PDCD11: variants seen among roughly 807,000 people sequenced by gnomAD.
PDCD11 encodes the protein programmed cell death 11, also known as protein RRP5 homolog.
Under a neutral mutation model 198.9 loss-of-function variants are expected in PDCD11, and 97 were observed. That is an observed-to-expected ratio of 0.49 (90% CI 0.41 to 0.58). The LOEUF is 0.58. Ranked by LOEUF, PDCD11 falls within the 20% of genes least tolerant of loss-of-function variation. The probability of loss-of-function intolerance (pLI) is 0.00; values close to 1 mark genes in which losing one functional copy is unlikely to be tolerated. For missense variants in PDCD11, 2,102 were observed against 2,312.7 expected, an observed-to-expected ratio of 0.91 and a Z score of 1.87; for synonymous variants, 893 against 918.0, an observed-to-expected ratio of 0.97 and a Z score of 0.49.
intron 17 of PDCD11, among the ~76,000 whole-genome samples, chr10:103,422,710 A>G (rs1461787828): frequency 6.6e-6 from 1 of 152,152 alleles, no homozygotes; most frequent in African/African-American, 2.4e-5. Flanking sequence ...GAGAGGGGAC[A>G]GTGAAAATTC....
rs773492000 is a variant in PDCD11 at position 103,417,831 on chromosome 10, G to C, written c.1810G>C (p.Glu604Gln). 2 of 1,614,188 alleles carry C rather than the reference G, an allele frequency of 1.2e-6. No homozygotes were observed. Among genetic ancestry groups the C allele is most frequent in the Non-Finnish European group, 1.7e-6 (2 of 1,180,024 alleles). Reference sequence around the variant, plus strand: ...CGTATTGAACTGTGAGCCATCCAAAGAGAGGATGCTCTTATCCTTCAAGCT... The same window carrying C: ...CGTATTGAACTGTGAGCCATCCAAACAGAGGATGCTCTTATCCTTCAAGCT... ...VVVLNCEPSK[E>Q]RMLLSFKLSS... Residue 604 changes from glutamate to glutamine, a missense_variant, in exon 14 of 36, where the codon GAG becomes CAG. By Grantham distance (29) the Glu-to-Gln change is conservative. Transcript: ENST00000369797.
chr10:103,407,787 C>T (rs993945963), intron 7 of PDCD11, among the ~76,000 whole-genome samples: 5 of 151,594 alleles, frequency 3.3e-5, no homozygotes, highest in Non-Finnish European at 7.4e-5. Flanking sequence ...GGCGTGATCT[C>T]GGGTCACTGC....
intron 23 of PDCD11, 94 bp downstream of exon 23, chr10:103,434,131 T>C: frequency 8.0e-7 from 1 of 1,249,342 alleles, no homozygotes; most frequent in Non-Finnish European, 1.2e-6. Context: ...TTGAGGAAGC[T>C]TGTTCTTTAT....
chr10:103,406,497 A>G (rs2030456882), intron 6 of PDCD11, 112 bp from the exon 7 acceptor site: 9 of 880,258 alleles, frequency 1.0e-5, no homozygotes, highest in South Asian at 1.9e-5. Context: ...GGAGTAACTG[A>G]TGCTAACTGG....
At chr10:103,433,280 A>G (rs534802427) in intron 22 of PDCD11, among the ~76,000 whole-genome samples, 1 of 152,282 alleles carries the variant, frequency 6.6e-6, no homozygotes, top group Non-Finnish European at 1.5e-5. Context: ...AGATCACTTC[A>G]GGTCAGGAGT....
intron 27 of PDCD11, 60 bp from the exon 28 acceptor site, chr10:103,439,686 C>A (rs1463428290): frequency 6.2e-6 from 10 of 1,605,682 alleles, no homozygotes; most frequent in Non-Finnish European, 7.7e-6. Context: ...AGTCCCGAGG[C>A]CTGGTTGGAA....
intron 4 of PDCD11, among the ~76,000 whole-genome samples, chr10:103,404,782 T>C (rs2030344734): frequency 6.6e-6 from 1 of 152,212 alleles, no homozygotes; most frequent in Admixed American, 6.5e-5. Flanking sequence ...TGTAGACAAC[T>C]CTTTTGACAA....
intron 14 of PDCD11, 116 bp from the exon 15 acceptor site, chr10:103,418,324 T>A (rs2031231613): frequency 3.7e-6 from 3 of 809,634 alleles, no homozygotes; most frequent in South Asian, 3.4e-5. Context: ...GGAAGAAAGC[T>A]GCCTCTTAGA....
chr10:103,439,709 A>G (rs2032296303), intron 27 of PDCD11, 37 bp from the exon 28 acceptor site: 1 of 1,613,672 alleles, frequency 6.2e-7, no homozygotes, highest in South Asian at 1.1e-5. Flanking sequence ...CTGTTGTTGC[A>G]TTTGTGACCA....
At chr10:103,437,464 G>T (rs1036393040) in intron 25 of PDCD11, among the ~76,000 whole-genome samples, 3 of 151,778 alleles carry the variant, frequency 2.0e-5, no homozygotes, top group African/African-American at 7.3e-5. Context: ...TGTTAGGTAA[G>T]AAGAGTAGGT....
At chr10:103,421,265 C>T (rs1221659926) in intron 16 of PDCD11, 83 bp from the exon 17 acceptor site, 16 of 1,078,434 alleles carry the variant, frequency 1.5e-5, no homozygotes, top group Non-Finnish European at 2.2e-5. Context: ...CCCCTACTCA[C>T]GTACCCCTTT....
At chr10:103,434,722 C>A in intron 24 of PDCD11, 76 bp from the exon 25 acceptor site, 1 of 1,287,078 alleles carries the variant, frequency 7.8e-7, no homozygotes, top group Non-Finnish European at 1.1e-6. Context: ...CCTTCCCCAG[C>A]CTGTGTGTGG....
intron 8 of PDCD11, among the ~76,000 whole-genome samples, chr10:103,411,222 G>A (rs908061545): frequency 2.0e-5 from 3 of 152,076 alleles, no homozygotes; most frequent in African/African-American, 7.2e-5. Flanking sequence ...GGCTCCGCTC[G>A]TATTTAAATA....
chr10:103,434,184 G>C, intron 23 of PDCD11, 64 bp from the exon 24 acceptor site: 2 of 1,260,722 alleles, frequency 1.6e-6, no homozygotes, highest in Non-Finnish European at 2.3e-6. Flanking sequence ...AGACTTAAAT[G>C]CTGTGGTTTT....
At chr10:103,413,612 T>C (rs542042082) in intron 9 of PDCD11, among the ~76,000 whole-genome samples, 9 of 152,330 alleles carry the variant, frequency 5.9e-5, no homozygotes, top group African/African-American at 2.2e-4. Flanking sequence ...ATAAATACTT[T>C]AGGCTGTGGG....
chr10:103,425,613 G>T, intron 20 of PDCD11, 88 bp downstream of exon 20: 1 of 1,127,612 alleles, frequency 8.9e-7, no homozygotes, highest in South Asian at 1.5e-5. Flanking sequence ...CCAAAAAGTT[G>T]CATGTAAGTC....
intron 9 of PDCD11, 55 bp downstream of exon 9, chr10:103,413,377 G>A: frequency 1.4e-6 from 2 of 1,401,706 alleles, no homozygotes; most frequent in South Asian, 1.2e-5. Context: ...GACTTCTGGA[G>A]CACAGGGGGC....
rs148179205 is a variant in PDCD11, at chr10:103,439,795, C to A, written c.4075C>A (p.His1359Asn). ...GGCTCGGTACTCCCATGTCTCCCAG[C>A]ACAGCCCGTCCAAGAAAGCCCTTTA... Reference protein sequence around the residue: ...GLARYSHVSQHSPSKKALYNK... With the variant: ...GLARYSHVSQNSPSKKALYNK... The change falls in exon 28 of 36, where the codon CAC (histidine) becomes AAC (asparagine). Residue 1359 changes from histidine (H) to asparagine (N), a missense_variant. His to Asn is a moderately conservative substitution (Grantham distance 68, BLOSUM62 1). Transcript: ENST00000369797. The A allele has an allele frequency of 6.2e-7, 1 of 1,614,184 alleles. No individual in the cohort carries two copies. The highest frequency in any genetic ancestry group is 8.5e-7 in the Non-Finnish European group (1 of 1,180,016).
rs1242010403 is a variant in PDCD11, at chr10:103,418,425, C to T, written c.1912-15C>T. 1 of 1,606,120 alleles carries T rather than the reference C, an allele frequency of 6.2e-7. No individual in the cohort carries two copies. Among genetic ancestry groups the T allele is most frequent in the Non-Finnish European group, 8.5e-7 (1 of 1,174,946 alleles). ...CATGACAAGTGCTATTTTTGTCTTT[C>T]TCTTCCCTGGGTAGTTGGTAGATGT... On this transcript the variant is annotated splice_polypyrimidine_tract_variant and intron_variant, in intron 14 of 35. Transcript: ENST00000369797.
Sources: gnomAD v4.1 joint callset for allele counts (sites outside exome capture counted in the v4.1 genomes callset) on GRCh38, gnomAD v4.1.1 for gene constraint, MANE v1.5 for transcripts, NCBI Gene and HGNC (gene_info 2026-07-23, HGNC 2026-07-21) for gene names.